UQCRC2: variants seen among roughly 807,000 people sequenced by gnomAD.
The protein encoded by UQCRC2 is cytochrome b-c1 complex subunit 2, mitochondrial.
UQCRC2 carries 49 observed loss-of-function variants against 55.6 expected under a neutral mutation model. The observed-to-expected ratio is 0.88, with a 90% confidence interval of 0.70 to 1.12. The LOEUF is 1.12. Ranked by LOEUF, UQCRC2 falls within the 50% of genes most tolerant of loss-of-function variation. The pLI, the probability that UQCRC2 is intolerant of heterozygous loss-of-function variation, is 0.00. For synonymous variants in UQCRC2, 193 were observed against 192.0 expected, an observed-to-expected ratio of 1.01 and a Z score of -0.04; for missense variants, 506 against 547.8, an observed-to-expected ratio of 0.92 and a Z score of 0.76.
intron 4 of UQCRC2, among the ~76,000 whole-genome samples, chr16:21,960,388 A>G (rs1477199732): frequency 6.6e-6 from 1 of 152,226 alleles, no homozygotes; most frequent in East Asian, 1.9e-4. Flanking sequence ...GCCTTCATAT[A>G]ATTGAAGAGA....
intron 11 of UQCRC2, among the ~76,000 whole-genome samples, chr16:21,975,328 G>T (rs1898556512): frequency 6.6e-6 from 1 of 152,156 alleles, no homozygotes; most frequent in South Asian, 2.1e-4. Flanking sequence ...GAAGAATAAG[G>T]ATAGTGAGAT....
At chr16:21,971,796 C>A in intron 9 of UQCRC2, 127 bp from the exon 10 acceptor site, 1 of 1,393,880 alleles carries the variant, frequency 7.2e-7, no homozygotes, top group Non-Finnish European at 1.0e-6. Context: ...GACAGGATGG[C>A]ATGGGGAAAG....
In UQCRC2 at chr16:21,983,182, C is replaced by T. The variant is rs757803485; in HGVS notation, c.*11C>T. The stretch of plus-strand genomic sequence containing the variant: ...GTTGATGAGTTGTAATACTGATGCA[C>T]ACATTACAGGAGAGAGCTGAACGTT... On this transcript the variant is annotated 3_prime_UTR_variant, in exon 14 of 14. Coordinates refer to ENST00000268379, the MANE Select transcript of UQCRC2 (RefSeq NM_003366.4). The T allele has an allele frequency of 6.2e-7, 1 of 1,611,426 alleles. No individual in the cohort carries two copies. Among genetic ancestry groups the T allele is most frequent in the Non-Finnish European group, 8.5e-7 (1 of 1,177,654 alleles).
intron 7 of UQCRC2, among the ~76,000 whole-genome samples, chr16:21,967,367 C>T (rs916851326): frequency 1.7e-4 from 26 of 152,040 alleles, no homozygotes; most frequent in African/African-American, 6.3e-4. Flanking sequence ...TTTTTCTAAA[C>T]CTCTTACTTT....
intron 4 of UQCRC2, among the ~76,000 whole-genome samples, chr16:21,960,539 G>A (rs562326501): frequency 1.7e-4 from 26 of 152,296 alleles, no homozygotes; most frequent in African/African-American, 5.3e-4. Flanking sequence ...AGCACTATTA[G>A]TTTTCTTCAA....
chr16:21,956,801 G>A (rs1390355181), intron 1 of UQCRC2, among the ~76,000 whole-genome samples: 3 of 152,096 alleles, frequency 2.0e-5, no homozygotes, highest in African/African-American at 7.2e-5. Flanking sequence ...AGTGGCTCAC[G>A]CCTGTAATTC....
chr16:21,957,044 G>A (rs1289480288), intron 1 of UQCRC2, among the ~76,000 whole-genome samples, 191 bp from the exon 2 acceptor site: 2 of 150,944 alleles, frequency 1.3e-5, no homozygotes, highest in Non-Finnish European at 2.9e-5. Context: ...ACTCCAGCCT[G>A]AGCGACAGAG....
At chr16:21,980,355 C>T in intron 12 of UQCRC2, 192 bp from the exon 13 acceptor site, 2 of 638,228 alleles carry the variant, frequency 3.1e-6, no homozygotes, top group South Asian at 2.3e-5. Flanking sequence ...GACTTCTTCC[C>T]TTCAGACTTA....
intron 1 of UQCRC2, among the ~76,000 whole-genome samples, chr16:21,955,075 A>AT (rs1491344521): frequency 2.6e-5 from 4 of 151,428 alleles, no homozygotes; most frequent in African/African-American, 9.7e-5. Flanking sequence ...AAAAAAAAAA[A>AT]TTACCAACAA....
intron 12 of UQCRC2, among the ~76,000 whole-genome samples, chr16:21,979,705 A>G (rs1056398039): frequency 6.6e-6 from 1 of 151,706 alleles, no homozygotes; most frequent in Non-Finnish European, 1.5e-5. Context: ...CTGGGACATT[A>G]CTGTGCACTG....
intron 10 of UQCRC2, among the ~76,000 whole-genome samples, chr16:21,973,490 G>A (rs1898512032): frequency 6.6e-6 from 1 of 152,160 alleles, no homozygotes; most frequent in African/African-American, 2.4e-5. Context: ...TGACATGAGT[G>A]TATAAGAGAA....
At chr16:21,954,419 A>G (rs1050629588) in intron 1 of UQCRC2, among the ~76,000 whole-genome samples, 3 of 152,206 alleles carry the variant, frequency 2.0e-5, no homozygotes, top group African/African-American at 7.2e-5. Context: ...GCTGTGGGCT[A>G]TATCGATTTA....
intron 7 of UQCRC2, among the ~76,000 whole-genome samples, chr16:21,967,011 C>CT (rs1055416671): frequency 2.0e-5 from 3 of 151,814 alleles, no homozygotes; most frequent in African/African-American, 4.8e-5. Context: ...CAAAAGGTCC[C>CT]TTTTTTTTAA....
At position 21,957,238 on chromosome 16, in the gene UQCRC2, T is replaced by C. The variant is rs1392951685; in HGVS notation, c.37T>C (p.Phe13Leu). The change falls in exon 2 of 14, where the codon TTT becomes CTT. Residue 13 changes from phenylalanine (F) to leucine (L), a missense_variant. Coordinates refer to ENST00000268379, the MANE Select transcript of UQCRC2 (RefSeq NM_003366.4). Reference sequence around the variant, plus strand: ...AACCTGTGTTTTTTATGTTTAGAGATTTTATTCCCTCAAAGTTGCCCCCAA... The same window carrying C: ...AACCTGTGTTTTTTATGTTTAGAGACTTTATTCCCTCAAAGTTGCCCCCAA... ...LLTRAGSFSRFYSLKVAPKVK... is the reference protein window; with the variant it reads ...LLTRAGSFSRLYSLKVAPKVK... 2 of 1,613,636 alleles carry C rather than the reference T, an allele frequency of 1.2e-6. No individual in the cohort carries two copies. The highest frequency in any genetic ancestry group is 1.7e-6 in the Non-Finnish European group (2 of 1,179,830).
chr16:21,961,322 C>A (rs1898192558), intron 4 of UQCRC2: 1 of 448,900 alleles, frequency 2.2e-6, no homozygotes, highest in South Asian at 1.6e-5. Flanking sequence ...AAGTGTCCAT[C>A]TTTAGGGAAA....
At position 21,983,260 on chromosome 16, in the gene UQCRC2, T is replaced by C; in HGVS notation, c.*89T>C. The C allele has an allele frequency of 8.3e-7, 1 of 1,198,306 alleles. No homozygotes were observed. The highest frequency in any genetic ancestry group is 2.0e-4 in the Middle Eastern group (1 of 5,058). 74.2% of individuals were successfully genotyped at this position (1,198,306 alleles called of 1,614,324 possible). On this transcript the variant is annotated 3_prime_UTR_variant, in exon 14 of 14. Transcript: ENST00000268379. ...AAAGTCAGAAGTCTCTAATATATCA[T>C]TTGTCTTTTTTCCAGTGAGGTAAAA...
At chr16:21,965,160 A>T (rs1375444954) in intron 6 of UQCRC2, among the ~76,000 whole-genome samples, 1 of 152,228 alleles carries the variant, frequency 6.6e-6, no homozygotes, top group East Asian at 1.9e-4. Context: ...AAGTTAGAAA[A>T]GTGGTTTAGG....
chr16:21,976,934 A>C (rs1045415836), intron 12 of UQCRC2: 1 of 152,184 alleles, frequency 6.6e-6, no homozygotes, highest in Admixed American at 6.5e-5. Flanking sequence ...AGTTATAAAG[A>C]TATCTTTGGG....
At chr16:21,964,382 G>A (rs1251735666) in intron 6 of UQCRC2, among the ~76,000 whole-genome samples, 2 of 152,002 alleles carry the variant, frequency 1.3e-5, no homozygotes, top group African/African-American at 4.8e-5. Flanking sequence ...TCTCCCACAC[G>A]GCCATTACAG....
Sources: allele counts gnomAD v4.1 joint callset (sites outside exome capture counted in the v4.1 genomes callset), GRCh38; gene constraint gnomAD v4.1.1; transcripts MANE v1.5; gene names NCBI Gene and HGNC (gene_info 2026-07-23, HGNC 2026-07-21).